Variants in BTAF1 observed in about 807,000 individuals in gnomAD.
The protein encoded by BTAF1 is B-TFIID TATA-box binding protein associated factor 1, also known as TATA-binding protein-associated factor 172.
BTAF1 carries 38 observed loss-of-function variants against 227.1 expected under a neutral mutation model. That is an observed-to-expected ratio of 0.17 (90% confidence interval 0.13 to 0.22). The LOEUF is 0.22. BTAF1 is among the 10% of genes least tolerant of loss of function. BTAF1 has a pLI of 1.00. For synonymous variants in BTAF1, 742 were observed against 751.9 expected (o/e 0.99, Z 0.21); for missense variants, 1,598 against 2,204.0 (o/e 0.73, Z 5.51).
At chr10:92,014,358 G>A (rs1445248137) in intron 32 of BTAF1, among the ~76,000 whole-genome samples, 1 of 152,058 alleles carries the variant, frequency 6.6e-6, no homozygotes, top group Admixed American at 6.6e-5. Context: ...CCCCCAAGTA[G>A]CTGGGACTGC....
At chr10:91,948,720 A>G (rs1845557924) in intron 4 of BTAF1, among the ~76,000 whole-genome samples, 1 of 150,298 alleles carries the variant, frequency 6.7e-6, no homozygotes, top group Non-Finnish European at 1.5e-5. Flanking sequence ...AAAAAGTTAT[A>G]TTGGCATATT....
At chr10:91,936,692 A>G (rs1844637124) in intron 2 of BTAF1, among the ~76,000 whole-genome samples, 1 of 152,210 alleles carries the variant, frequency 6.6e-6, no homozygotes, top group South Asian at 2.1e-4. Flanking sequence ...CTTAGAATGA[A>G]GAAGGATGCA....
chr10:91,953,725 T>C lies in BTAF1; in HGVS notation c.565-12T>C, dbSNP rs371132007. 4 of 1,607,886 alleles carry C rather than the reference T, an allele frequency of 2.5e-6. No individual in the cohort carries two copies. The highest frequency in any genetic ancestry group is 1.7e-5 in the Admixed American group (1 of 58,338). ...TCAAAAGTTCCAACTCAGCATTCTT[T>C]TATTCTTTTAGACTCTTCAGGCAGC... On this transcript the variant is annotated splice_polypyrimidine_tract_variant and intron_variant, in intron 5 of 37. Coordinates refer to ENST00000265990, the MANE Select transcript of BTAF1 (RefSeq NM_003972.3).
At chr10:92,000,335 G>T (rs866623166) in intron 25 of BTAF1, among the ~76,000 whole-genome samples, 2 of 152,264 alleles carry the variant, frequency 1.3e-5, no homozygotes, top group Middle Eastern at 3.4e-3. Flanking sequence ...GCTATTATGT[G>T]TTCTTTAAAC....
intron 4 of BTAF1, among the ~76,000 whole-genome samples, chr10:91,950,832 A>ATTT (rs375509577): frequency 0.011 from 1,413 of 132,558 alleles, 25 homozygotes; most frequent in Non-Finnish European, 0.014. Flanking sequence ...ATAGAGATGT[A>ATTT]TTTTTTTTTT....
rs11400019 is a variant in BTAF1, at chr10:92,016,483, CTT to C, written c.4710+30_4710+31del. ...TATTCCAGGTATAGATTACATTCTACTTTTTTTTTTTTTGAGATGGAATTTCA... is the reference window on the plus strand; with the variant it reads ...TATTCCAGGTATAGATTACATTCTACTTTTTTTTTTTGAGATGGAATTTCA... On this transcript the variant is annotated intron_variant, in intron 33 of 37. Transcript: ENST00000265990. The C allele has an allele frequency of 4.7e-4, 620 of 1,330,484 alleles. No individual in the cohort carries two copies. The highest frequency in any genetic ancestry group is 1.2e-3 in the Admixed American group (42 of 34,826). 82.4% of individuals were successfully genotyped at this position (1,330,484 alleles called of 1,614,324 possible). A position where few individuals can be genotyped will look rare whatever the true frequency, so the allele number is the denominator to read the frequency against.
At chr10:91,948,325 GT>G (rs1845527479) in intron 4 of BTAF1, among the ~76,000 whole-genome samples, 2 of 151,554 alleles carry the variant, frequency 1.3e-5, no homozygotes, top group African/African-American at 4.9e-5. Flanking sequence ...CTATCCAGTG[GT>G]TTAAAATTTT....
chr10:91,965,700 C>G (rs527406136), intron 13 of BTAF1, among the ~76,000 whole-genome samples: 1 of 152,274 alleles, frequency 6.6e-6, no homozygotes, highest in South Asian at 2.1e-4. Context: ...AACAGTTAGA[C>G]ATTTAACAAG....
intron 4 of BTAF1, among the ~76,000 whole-genome samples, chr10:91,942,975 G>C (rs1246880203): frequency 6.6e-6 from 1 of 152,082 alleles, no homozygotes; most frequent in African/African-American, 2.4e-5. Flanking sequence ...ACATATTTCT[G>C]ATATTATTGG....
Position 91,984,258 on chromosome 10 carries a change from C to T in BTAF1, c.2281C>T (p.His761Tyr), listed in dbSNP as rs200565012. The T allele has an allele frequency of 1.9e-6, 3 of 1,613,774 alleles. No homozygotes were observed. The highest frequency in any genetic ancestry group is 1.7e-6 in the Non-Finnish European group (2 of 1,179,922). Residue 761 changes from histidine to tyrosine, a missense_variant, in exon 19 of 38, where the codon CAT becomes TAT. His to Tyr is a moderately conservative substitution (Grantham distance 83). This residue lies in a region of BTAF1 where 318 missense variants were observed against 435.0 expected (regional missense o/e 0.73). Coordinates refer to ENST00000265990, the MANE Select transcript of BTAF1 (RefSeq NM_003972.3). ...GCGTTTACTTGATATCCTTTCAGAA[C>T]ATTTATATTATGACGAAATTGCCGT... Reference protein sequence around the residue: ...QPRLLDILSEHLYYDEIAVPF... With the variant: ...QPRLLDILSEYLYYDEIAVPF...
chr10:91,991,795 G>GTATATATA (rs1489317546), intron 20 of BTAF1, among the ~76,000 whole-genome samples: 56 of 5,608 alleles, frequency 1.0e-2, no homozygotes, highest in African/African-American at 0.014. Flanking sequence ...GTGTGTGTGT[G>GTATATATA]TGTATATATA....
intron 34 of BTAF1, among the ~76,000 whole-genome samples, chr10:92,019,891 G>GTTTT (rs11406652): frequency 1.4e-5 from 2 of 139,402 alleles, no homozygotes; most frequent in Admixed American, 7.2e-5. Context: ...TGTTGTTGCT[G>GTTTT]TTTTTTTTTT....
At chr10:91,992,443 A>C in intron 21 of BTAF1, 134 bp downstream of exon 21, 5 of 830,124 alleles carry the variant, frequency 6.0e-6, no homozygotes, top group Non-Finnish European at 9.0e-6. Flanking sequence ...GGAGTACTCC[A>C]ACAATATGAT....
chr10:91,989,716 T>A, intron 20 of BTAF1, 136 bp downstream of exon 20: 1 of 867,540 alleles, frequency 1.2e-6, no homozygotes, highest in Non-Finnish European at 1.7e-6. Flanking sequence ...GGCTTGATTA[T>A]AACAAAACTC....
Position 91,960,083 on chromosome 10 carries a change from C to T in BTAF1, c.1192C>T (p.Leu398Phe). The T allele has an allele frequency of 6.2e-7, 1 of 1,613,818 alleles. No homozygotes were observed. Among genetic ancestry groups the T allele is most frequent in the Non-Finnish European group, 8.5e-7 (1 of 1,179,854 alleles). The change falls in exon 11 of 38, where the codon CTT (leucine) becomes TTT (phenylalanine). Residue 398 changes from leucine (L) to phenylalanine (F), a missense_variant. Transcript: ENST00000265990. ...HKTVDVLLKL[L>F]TQEQWEVRHG... ...GACTGTGGATGTGCTGCTAAAATTACTTACACAAGAACAATGGGAAGTTAG... is the reference window on the plus strand; with the variant it reads ...GACTGTGGATGTGCTGCTAAAATTATTTACACAAGAACAATGGGAAGTTAG...
At chr10:91,939,313 C>G (rs572557025) in intron 2 of BTAF1, among the ~76,000 whole-genome samples, 1 of 152,272 alleles carries the variant, frequency 6.6e-6, no homozygotes, top group South Asian at 2.1e-4. Context: ...CCATACTAAA[C>G]TTGAGATTTT....
chr10:92,007,462 C>G (rs1417231025), intron 25 of BTAF1, among the ~76,000 whole-genome samples: 2 of 152,188 alleles, frequency 1.3e-5, no homozygotes, highest in East Asian at 3.9e-4. Flanking sequence ...AGTGAGCCGC[C>G]TGCCTCAGCC....
In BTAF1 at chr10:91,923,823, T is replaced by C. The variant is rs560206952; in HGVS notation, c.-254T>C. ...AAAGAGCGGAGCTGAGGGTACCCGG[T>C]TTGAAGTCGTGCGGGTCGGAGGACT... On this transcript the variant is annotated 5_prime_UTR_variant, in exon 1 of 38. Transcript: ENST00000265990. 2.6e-3 allele frequency: 1,114 copies of C among 429,730 alleles called. 1 individual carries two copies. The highest frequency in any genetic ancestry group is 3.6e-3 in the Non-Finnish European group (872 of 241,896). 26.6% of individuals were successfully genotyped at this position (429,730 alleles called of 1,614,324 possible). A position where few individuals can be genotyped will look rare whatever the true frequency, so the allele number is the denominator to read the frequency against.
intron 25 of BTAF1, among the ~76,000 whole-genome samples, chr10:91,999,760 T>C (rs2797639): frequency 0.3 from 45,951 of 152,122 alleles, 8,522 homozygotes; most frequent in South Asian, 0.52. Flanking sequence ...ATAGTAGATA[T>C]GTAAATCATG....
Sources: allele counts gnomAD v4.1 joint callset (sites outside exome capture counted in the v4.1 genomes callset), GRCh38; gene constraint gnomAD v4.1.1; regional missense constraint gnomAD v4.1.1; transcripts MANE v1.5; gene names NCBI Gene and HGNC (gene_info 2026-07-23, HGNC 2026-07-21).